BDP1: variants seen among roughly 807,000 people sequenced by gnomAD.
BDP1 encodes BDP1 general transcription factor IIIB subunit.
A neutral mutation model predicts 266.6 loss-of-function variants in BDP1; 169 were observed. That is an observed-to-expected ratio of 0.63 (90% CI 0.56 to 0.72). The LOEUF is 0.72. BDP1 is among the 30% of genes least tolerant of loss of function. BDP1 has a pLI of 0.00. For missense variants in BDP1, 3,015 were observed against 3,053.8 expected (o/e 0.99, Z 0.30); for synonymous variants, 1,090 against 1,022.4 (o/e 1.07, Z -1.26).
At chr5:71,493,895 A>G (rs1294352602) in intron 11 of BDP1, among the ~76,000 whole-genome samples, 1 of 152,230 alleles carries the variant, frequency 6.6e-6, no homozygotes, top group Non-Finnish European at 1.5e-5. Flanking sequence ...AAAACATAAT[A>G]TTTGATCCTT....
In BDP1 at chr5:71,567,265, A is replaced by T. The variant is rs1336322973; in HGVS notation, c.*2380A>T. 1.3e-5 allele frequency: 2 copies of T among 152,186 alleles called. No homozygotes were observed. Among genetic ancestry groups the T allele is most frequent in the Non-Finnish European group, 2.9e-5 (2 of 68,024 alleles). 9.4% of individuals were successfully genotyped at this position (152,186 alleles called of 1,614,324 possible). On this transcript the variant is annotated 3_prime_UTR_variant, in exon 39 of 39. Coordinates refer to ENST00000358731, the MANE Select transcript of BDP1 (RefSeq NM_018429.3). ...TGTAATATTAGTTTTTAACTTTAAC[A>T]TCTGTTTCTTTTTAATCTATAATGA...
intron 7 of BDP1, among the ~76,000 whole-genome samples, chr5:71,482,593 T>C (rs897431198): frequency 2.6e-5 from 4 of 152,224 alleles, no homozygotes; most frequent in African/African-American, 9.6e-5. Flanking sequence ...CATTGACTAG[T>C]TTCAATATAT....
intron 11 of BDP1, among the ~76,000 whole-genome samples, chr5:71,493,766 G>C (rs10942548): frequency 0.3 from 45,792 of 152,090 alleles, 7,960 homozygotes; most frequent in East Asian, 0.5. Context: ...AATTGACTCA[G>C]TGGAACTGAA....
At chr5:71,526,736 G>A (rs1350617376) in intron 25 of BDP1, among the ~76,000 whole-genome samples, 1 of 141,826 alleles carries the variant, frequency 7.1e-6, no homozygotes, top group Non-Finnish European at 1.5e-5. Flanking sequence ...CACCCAGTCT[G>A]GAGTGCAGTG....
intron 7 of BDP1, among the ~76,000 whole-genome samples, chr5:71,479,311 G>A (rs942220512): frequency 6.6e-6 from 1 of 151,944 alleles, no homozygotes. Flanking sequence ...AAAGTGCTGG[G>A]ATTACAGGTG....
chr5:71,533,490 C>T (rs533754794), intron 26 of BDP1, among the ~76,000 whole-genome samples: 8 of 133,300 alleles, frequency 6.0e-5, no homozygotes, highest in Non-Finnish European at 1.3e-4. Flanking sequence ...TTTTTTGAGA[C>T]GGCCTTGCAT....
intron 7 of BDP1, among the ~76,000 whole-genome samples, chr5:71,480,227 C>T (rs1762862057): frequency 6.6e-6 from 1 of 151,308 alleles, no homozygotes; most frequent in Non-Finnish European, 1.5e-5. Flanking sequence ...TCTCCTGCCT[C>T]AGCTTCCCAA....
rs1187592675 is a variant in BDP1 at position 71,510,481 on chromosome 5, A to T, written c.3389A>T (p.Lys1130Met). ...GGAAGGGAGATTTCCCCAAGGGAGA[A>T]GACACCAGAGGTGATTGATGCCACT... ...ATGREISPRE[K>M]TPEVIDATEE... is the part of the protein sequence containing the mutation. The change falls in exon 17 of 39, where the codon AAG becomes ATG. Residue 1130 changes from lysine to methionine, a missense_variant. Around this residue, in one of 3 missense-constraint regions of BDP1, gnomAD observed 2,383 missense variants for 2,404.9 expected, o/e 0.99. Transcript: ENST00000358731. 2.5e-6 allele frequency: 4 copies of T among 1,613,864 alleles called. No individual in the cohort carries two copies.
At chr5:71,517,996 T>C (rs1765307923) in intron 22 of BDP1, among the ~76,000 whole-genome samples, 1 of 152,222 alleles carries the variant, frequency 6.6e-6, no homozygotes, top group African/African-American at 2.4e-5. Context: ...AACAGTATAC[T>C]ATATTTAGAG....
At chr5:71,525,055 C>T (rs965253981) in intron 25 of BDP1, among the ~76,000 whole-genome samples, 1 of 152,280 alleles carries the variant, frequency 6.6e-6, no homozygotes, top group Non-Finnish European at 1.5e-5. Context: ...GACACGGCAA[C>T]CATCCGATTT....
At chr5:71,535,362 A>G (rs1190182626) in intron 26 of BDP1, among the ~76,000 whole-genome samples, 11 of 151,944 alleles carry the variant, frequency 7.2e-5, no homozygotes, top group African/African-American at 1.9e-4. Flanking sequence ...CCGCCACCAC[A>G]TCCAACTAAT....
chr5:71,532,528 T>C (rs1381834761), intron 26 of BDP1, 101 bp downstream of exon 26: 2 of 1,139,386 alleles, frequency 1.8e-6, no homozygotes, highest in Non-Finnish European at 2.4e-6. Context: ...ACACTTTACT[T>C]AGCTAATTTC....
intron 25 of BDP1, among the ~76,000 whole-genome samples, chr5:71,529,500 A>G (rs1170693072): frequency 6.6e-6 from 1 of 152,214 alleles, no homozygotes; most frequent in Non-Finnish European, 1.5e-5. Context: ...AGACCAGCCT[A>G]TACAACATAG....
In BDP1 at chr5:71,509,638, A is replaced by C. The variant is rs776645926; in HGVS notation, c.2546A>C (p.Glu849Ala). 6 of 1,613,150 alleles carry C rather than the reference A, an allele frequency of 3.7e-6. No individual in the cohort carries two copies. Among genetic ancestry groups the C allele is most frequent in the South Asian group, 3.3e-5 (3 of 90,872 alleles). ...VSGEMAAALR[E>A]TVRLDTSPKE... ...GGGGAAATGGCGGCAGCATTGAGAG[A>C]AACTGTAAGACTAGACACCTCACCA... The change falls in exon 17 of 39, where the codon GAA (glutamate) becomes GCA (alanine). Residue 849 changes from glutamate to alanine, a missense_variant. Glu to Ala is a moderately radical substitution (Grantham distance 107). Transcript: ENST00000358731.
intron 7 of BDP1, among the ~76,000 whole-genome samples, chr5:71,473,262 A>ATTT (rs869174435): frequency 1.8e-4 from 11 of 59,962 alleles, no homozygotes; most frequent in African/African-American, 6.2e-4. Context: ...TCTTAATGTA[A>ATTT]TTTTTTTTTT....
At position 71,497,304 on chromosome 5, in the gene BDP1, T is replaced by G. The variant is rs1305407779; in HGVS notation, c.1834T>G (p.Leu612Val). 1.9e-6 allele frequency: 3 copies of G among 1,613,760 alleles called. No homozygotes were observed. The highest frequency in any genetic ancestry group is 1.7e-6 in the Non-Finnish European group (2 of 1,179,882). ...IDQTENVKPM[L>V]RGRFQRPKPN... is the part of the protein sequence containing the mutation. ...TCAAACAGAAAATGTTAAACCAATGTTGAGAGGTCGCTTCCAAAGACCTAA... is the reference window on the plus strand; with the variant it reads ...TCAAACAGAAAATGTTAAACCAATGGTGAGAGGTCGCTTCCAAAGACCTAA... Residue 612 changes from leucine to valine, a missense_variant, in exon 13 of 39, where the codon TTG becomes GTG. Physicochemically the swap from Leu to Val is conservative, Grantham distance 32. Transcript: ENST00000358731.
intron 7 of BDP1, 23 bp from the exon 8 acceptor site, chr5:71,483,818 CA>C: frequency 6.3e-7 from 1 of 1,577,558 alleles, no homozygotes; most frequent in Non-Finnish European, 8.7e-7. Flanking sequence ...AGAAAATTAC[CA>C]TAGGGTTTTT....
intron 36 of BDP1, among the ~76,000 whole-genome samples, chr5:71,558,309 G>A (rs543597719): frequency 1.3e-5 from 2 of 152,270 alleles, no homozygotes; most frequent in East Asian, 1.9e-4. Context: ...GCCGAGGTGA[G>A]TGGATCACCT....
chr5:71,557,812 A>G (rs559301445), intron 36 of BDP1, among the ~76,000 whole-genome samples: 1 of 152,266 alleles, frequency 6.6e-6, no homozygotes, highest in South Asian at 2.1e-4. Context: ...TACTGGGATT[A>G]TAAGCATGAG....
Sources: allele counts gnomAD v4.1 joint callset (sites outside exome capture counted in the v4.1 genomes callset), GRCh38; gene constraint gnomAD v4.1.1; regional missense constraint gnomAD v4.1.1; transcripts MANE v1.5; gene names NCBI Gene and HGNC (gene_info 2026-07-23, HGNC 2026-07-21).